ESR1: variants seen among roughly 807,000 people sequenced by gnomAD.
ESR1 encodes the protein estrogen receptor.
A neutral mutation model predicts 52.7 loss-of-function variants in ESR1; 12 were observed. That is an observed-to-expected ratio of 0.23 (90% CI 0.15 to 0.37). ESR1 has a LOEUF of 0.37. ESR1 is among the 10% of genes least tolerant of loss of function. The pLI, the probability that ESR1 is intolerant of heterozygous loss-of-function variation, is 1.00. For synonymous variants in ESR1, 305 were observed against 316.8 expected, an observed-to-expected ratio of 0.96 and a Z score of 0.39; for missense variants, 584 against 779.7, an observed-to-expected ratio of 0.75 and a Z score of 2.99.
At position 151,873,524 on chromosome 6, in the gene ESR1, C is replaced by T. The variant is rs866706177; in HGVS notation, c.644-7131C>T. ...CCAGAGCAGGAACGGCTCTTGGAAGCGTCTACTCAGGCCTGGGCAGTTGCT... is the reference window on the plus strand; with the variant it reads ...CCAGAGCAGGAACGGCTCTTGGAAGTGTCTACTCAGGCCTGGGCAGTTGCT... On this transcript the variant is annotated intron_variant, in intron 2 of 7. Coordinates refer to ENST00000206249, the MANE Select transcript of ESR1 (RefSeq NM_000125.4). 4.6e-5 allele frequency among the ~76,000 whole-genome samples: 7 copies of T among 152,156 alleles called. No individual in the cohort carries two copies. The South Asian group carries it at 8.3e-4, about 18-fold the overall frequency.
intron 4 of ESR1, among the ~76,000 whole-genome samples, chr6:151,988,606 AAATATT>A (rs1238085004): frequency 4.6e-5 from 7 of 152,026 alleles, no homozygotes; most frequent in African/African-American, 1.7e-4. Flanking sequence ...TGATCAGAAA[AAATATT>A]AATAACTAAT....
chr6:151,801,243 T>C (rs757238176), upstream of ESR1, among the ~76,000 whole-genome samples: 5 of 152,164 alleles, frequency 3.3e-5, no homozygotes, highest in Non-Finnish European at 7.3e-5. Context: ...GTAACAATAA[T>C]TGGAATAATT....
At chr6:151,796,446 A>G (rs1166418147) in intron 2 of ESR1, among the ~76,000 whole-genome samples, 2 of 152,160 alleles carry the variant, frequency 1.3e-5, no homozygotes, top group Non-Finnish European at 2.9e-5. Flanking sequence ...GCAGAGGTGA[A>G]AGATTTTCCC....
chr6:151,770,725 G>C (rs1785443440), intron 2 of ESR1, among the ~76,000 whole-genome samples: 1 of 152,048 alleles, frequency 6.6e-6, no homozygotes, highest in African/African-American at 2.4e-5. Context: ...TAATTTTACT[G>C]TTATAAATAT....
intron 2 of ESR1, among the ~76,000 whole-genome samples, chr6:151,846,678 T>C (rs1254003672): frequency 6.6e-6 from 1 of 152,234 alleles, no homozygotes; most frequent in Admixed American, 6.5e-5. Flanking sequence ...CTACTTAGTG[T>C]ACAAACTTGA....
downstream of ESR1, among the ~76,000 whole-genome samples, chr6:152,104,239 G>T (rs2051034939): frequency 6.6e-6 from 1 of 152,056 alleles, no homozygotes; most frequent in Non-Finnish European, 1.5e-5. Context: ...GAGTCACATG[G>T]ATTTCAGGAA....
chr6:152,127,142 G>A (rs1163985814), exon 7 of ESR1: 2 of 152,088 alleles, frequency 1.3e-5, no homozygotes, highest in Non-Finnish European at 2.9e-5. Context: ...TAAACTACCT[G>A]AGGCAGCCTG....
At chr6:151,678,468 A>G (rs1293938) in intron 1 of ESR1, among the ~76,000 whole-genome samples, 41,205 of 150,214 alleles carry the variant, frequency 0.27, 6,214 homozygotes, top group East Asian at 0.41. Flanking sequence ...GCGAGACTCC[A>G]TATTAAAAAA....
chr6:151,710,548 GGTCAAT>G (rs1466714176), intron 2 of ESR1, among the ~76,000 whole-genome samples: 1 of 151,792 alleles, frequency 6.6e-6, no homozygotes, highest in Non-Finnish European at 1.5e-5. Context: ...ATAAAGAAAA[GGTCAAT>G]AAAATTATGG....
chr6:151,854,208 C>G (rs1787416211), intron 2 of ESR1, among the ~76,000 whole-genome samples: 2 of 152,122 alleles, frequency 1.3e-5, no homozygotes, highest in Admixed American at 1.3e-4. Context: ...AACCTGCTTG[C>G]CTGGCTATTT....
intron 3 of ESR1, among the ~76,000 whole-genome samples, chr6:151,912,793 A>G (rs1356580188): frequency 3.3e-5 from 5 of 152,336 alleles, no homozygotes; most frequent in Admixed American, 3.3e-4. Context: ...GCCAGAAGCC[A>G]TCATTCTCAG....
At chr6:151,783,786 G>A (rs936705594) in intron 2 of ESR1, among the ~76,000 whole-genome samples, 4 of 151,946 alleles carry the variant, frequency 2.6e-5, no homozygotes, top group Non-Finnish European at 4.4e-5. Context: ...CCCAATGTCC[G>A]TTTTCTATTC....
At chr6:152,043,588 C>G (rs2045980647) in intron 5 of ESR1, among the ~76,000 whole-genome samples, 1 of 152,150 alleles carries the variant, frequency 6.6e-6, no homozygotes, top group Non-Finnish European at 1.5e-5. Flanking sequence ...CATCGTCTTT[C>G]CTGGCAACTG....
intron 4 of ESR1, among the ~76,000 whole-genome samples, chr6:151,954,549 A>G (rs1056169918): frequency 6.6e-6 from 1 of 152,224 alleles, no homozygotes; most frequent in Non-Finnish European, 1.5e-5. Flanking sequence ...ACAAACCCCA[A>G]TAAAACGGTG....
At chr6:151,889,113 T>C (rs965868595) in intron 3 of ESR1, among the ~76,000 whole-genome samples, 4 of 152,350 alleles carry the variant, frequency 2.6e-5, no homozygotes, top group Non-Finnish European at 1.5e-5. Flanking sequence ...TCAGGGATAT[T>C]GGCATGACAT....
chr6:151,673,775 A>G (rs7765040), intron 1 of ESR1, among the ~76,000 whole-genome samples: 36,195 of 151,942 alleles, frequency 0.24, 5,616 homozygotes, highest in African/African-American at 0.45. Context: ...CCAGCTACTC[A>G]GGAGGATGAG....
chr6:152,027,296 T>C (rs188271993), intron 5 of ESR1, among the ~76,000 whole-genome samples: 1 of 151,952 alleles, frequency 6.6e-6, no homozygotes, highest in African/African-American at 2.4e-5. Context: ...TATATTTTTC[T>C]ACATTATTAG....
At chr6:151,683,723 G>C (rs1337340902) in intron 1 of ESR1, among the ~76,000 whole-genome samples, 1 of 149,896 alleles carries the variant, frequency 6.7e-6, no homozygotes, top group Non-Finnish European at 1.5e-5. Context: ...TTTTGAGATA[G>C]AGTCTCACTC....
chr6:151,865,739 G>A (rs190812232), intron 2 of ESR1, among the ~76,000 whole-genome samples: 1 of 152,334 alleles, frequency 6.6e-6, no homozygotes, highest in African/African-American at 2.4e-5. Flanking sequence ...GGACCTGGGT[G>A]TGGCCTGTGG....
Sources: gnomAD v4.1 joint callset for allele counts (sites outside exome capture counted in the v4.1 genomes callset) on GRCh38, gnomAD v4.1.1 for gene constraint, MANE v1.5 for transcripts, NCBI Gene and HGNC (gene_info 2026-07-23, HGNC 2026-07-21) for gene names.